Variants in KIAA1217 observed in about 807,000 individuals in gnomAD.
KIAA1217 encodes KIAA1217.
KIAA1217 carries 88 observed loss-of-function variants against 163.9 expected under a neutral mutation model. That is an observed-to-expected ratio of 0.54 (90% CI 0.45 to 0.64). The LOEUF (loss-of-function observed/expected upper bound fraction) is 0.64. KIAA1217 is among the 30% of genes least tolerant of loss of function. KIAA1217 has a pLI of 0.00. For missense variants in KIAA1217, 2,372 were observed against 2,475.0 expected, an observed-to-expected ratio of 0.96 and a Z score of 0.88; for synonymous variants, 903 against 923.1, an observed-to-expected ratio of 0.98 and a Z score of 0.39.
chr10:24,166,957 G>T (rs1050217262), intron 2 of KIAA1217, among the ~76,000 whole-genome samples: 1 of 152,092 alleles, frequency 6.6e-6, no homozygotes, highest in Non-Finnish European at 1.5e-5. Flanking sequence ...ACACATTTCA[G>T]GTGCTGATAG....
intron 1 of KIAA1217, among the ~76,000 whole-genome samples, chr10:23,795,310 C>T (rs1335670159): frequency 6.6e-6 from 1 of 152,168 alleles, no homozygotes; most frequent in African/African-American, 2.4e-5. Flanking sequence ...GAGGTCTCAG[C>T]TTCCACCCTT....
At chr10:23,974,516 G>T (rs1381887983) in intron 1 of KIAA1217, among the ~76,000 whole-genome samples, 1 of 151,988 alleles carries the variant, frequency 6.6e-6, no homozygotes, top group Non-Finnish European at 1.5e-5. Context: ...TTAAGGCTGG[G>T]CCCAGCACAG....
intron 1 of KIAA1217, among the ~76,000 whole-genome samples, chr10:23,872,460 C>T (rs1840500119): frequency 6.6e-6 from 1 of 152,092 alleles, no homozygotes; most frequent in Admixed American, 6.6e-5. Context: ...TTGAGGACCC[C>T]CTGCCTCTGC....
At chr10:23,999,777 AG>A (rs1227261287) in intron 1 of KIAA1217, among the ~76,000 whole-genome samples, 6 of 152,202 alleles carry the variant, frequency 3.9e-5, no homozygotes, top group Admixed American at 1.3e-4. Flanking sequence ...TGATTTATTA[AG>A]ATTACTATAG....
At chr10:24,104,225 G>A (rs1308311174) in intron 2 of KIAA1217, among the ~76,000 whole-genome samples, 2 of 152,198 alleles carry the variant, frequency 1.3e-5, no homozygotes, top group Non-Finnish European at 2.9e-5. Flanking sequence ...GTTGTTTATA[G>A]AAGTTTTATT....
chr10:24,336,451 G>A (rs925111448), intron 2 of KIAA1217, among the ~76,000 whole-genome samples: 2 of 152,164 alleles, frequency 1.3e-5, no homozygotes, highest in African/African-American at 4.8e-5. Context: ...GTAGAGTGTT[G>A]CTGTTTTCCC....
At chr10:24,030,373 C>T (rs542362905) in intron 2 of KIAA1217, among the ~76,000 whole-genome samples, 1 of 151,968 alleles carries the variant, frequency 6.6e-6, no homozygotes, top group Non-Finnish European at 1.5e-5. Flanking sequence ...CTCATGAGAT[C>T]TAATGATTTA....
At chr10:24,174,951 G>C (rs150085078) in intron 2 of KIAA1217, among the ~76,000 whole-genome samples, 1 of 151,936 alleles carries the variant, frequency 6.6e-6, no homozygotes, top group Admixed American at 6.6e-5. Flanking sequence ...TCTGCCTCCC[G>C]GGTTCAACTG....
At chr10:24,348,358 T>TAA (rs56385555) in intron 2 of KIAA1217, among the ~76,000 whole-genome samples, 1 of 151,678 alleles carries the variant, frequency 6.6e-6, no homozygotes, top group Non-Finnish European at 1.5e-5. Flanking sequence ...TAAAATGAAA[T>TAA]AATTATCCTA....
At chr10:23,999,370 G>C (rs971859750) in intron 1 of KIAA1217, among the ~76,000 whole-genome samples, 4 of 152,178 alleles carry the variant, frequency 2.6e-5, no homozygotes, top group African/African-American at 9.7e-5. Context: ...GCAGCACCAA[G>C]TAGGCACTGA....
chr10:24,357,799 G>A (rs938025076), intron 2 of KIAA1217, among the ~76,000 whole-genome samples: 14 of 152,142 alleles, frequency 9.2e-5, no homozygotes, highest in African/African-American at 2.7e-4. Flanking sequence ...AAGCAATAAC[G>A]CATAGGGGAG....
At chr10:23,863,557 G>A (rs1019465928) in intron 1 of KIAA1217, among the ~76,000 whole-genome samples, 1 of 152,142 alleles carries the variant, frequency 6.6e-6, no homozygotes, top group African/African-American at 2.4e-5. Flanking sequence ...ATGTGAGGAG[G>A]CGCAAGAAGG....
chr10:24,414,248 G>A (rs2058047193), intron 3 of KIAA1217, among the ~76,000 whole-genome samples: 2 of 152,118 alleles, frequency 1.3e-5, no homozygotes, highest in Non-Finnish European at 2.9e-5. Context: ...TGTGGAAAGG[G>A]GACACAGACT....
rs1491195575 is a variant in KIAA1217, at chr10:23,934,606, T to TATAC, written c.-320-72619_-320-72618insATAC. Among the ~76,000 whole-genome samples the TATAC allele has an allele frequency of 5.2e-5, 4 of 76,276 alleles. No homozygotes were observed. In the African/African-American group the frequency reaches 5.5e-4, roughly 11 times the overall value. The allele number at this position is 76,276 out of a possible 152,430, so 50.0% of individuals were successfully genotyped here. ...ATATATATATGTATATATATATATA[T>TATAC]GTATATATATATATATATATTTTTT... On this transcript the variant is annotated intron_variant, in intron 1 of 18. Coordinates refer to the KIAA1217 transcript ENST00000376462.
At chr10:23,965,278 T>C (rs1435971552) in intron 1 of KIAA1217, among the ~76,000 whole-genome samples, 1 of 152,240 alleles carries the variant, frequency 6.6e-6, no homozygotes, top group Non-Finnish European at 1.5e-5. Flanking sequence ...GTGTGTTCTC[T>C]GGGAAAGCGT....
intron 2 of KIAA1217, among the ~76,000 whole-genome samples, chr10:24,309,379 C>T (rs935716806): frequency 1.3e-5 from 2 of 150,972 alleles, no homozygotes; most frequent in East Asian, 2.0e-4. Flanking sequence ...CACACACACA[C>T]GGGCTTCCAT....
intron 1 of KIAA1217, among the ~76,000 whole-genome samples, chr10:23,917,449 G>A (rs7099575): frequency 0.066 from 10,003 of 152,216 alleles, 1,096 homozygotes; most frequent in African/African-American, 0.23. Flanking sequence ...CTAGGGCCTT[G>A]TGAAAAGAGG....
chr10:23,872,913 C>T (rs1840528264), intron 1 of KIAA1217, among the ~76,000 whole-genome samples: 1 of 151,952 alleles, frequency 6.6e-6, no homozygotes, highest in African/African-American at 2.4e-5. Context: ...TGGCAGCTCA[C>T]CCATTTAGAG....
At chr10:24,259,598 G>C (rs933615535) in intron 2 of KIAA1217, among the ~76,000 whole-genome samples, 1 of 152,204 alleles carries the variant, frequency 6.6e-6, no homozygotes, top group Non-Finnish European at 1.5e-5. Flanking sequence ...CAGGGCAACA[G>C]AGCAAAATCT....
Sources: gnomAD v4.1 joint callset for allele counts (sites outside exome capture counted in the v4.1 genomes callset) on GRCh38, gnomAD v4.1.1 for gene constraint, MANE v1.5 for transcripts, NCBI Gene and HGNC (gene_info 2026-07-23, HGNC 2026-07-21) for gene names.